Variants in SEMA3D observed in about 807,000 individuals in gnomAD.
The protein encoded by SEMA3D is semaphorin 3D, also known as semaphorin-3D.
Under a neutral mutation model 100.1 loss-of-function variants are expected in SEMA3D, and 84 were observed. That is an observed-to-expected ratio of 0.84 (90% CI 0.70 to 1.01). SEMA3D has a LOEUF of 1.01. SEMA3D is among the 50% of genes least tolerant of loss of function. The probability of loss-of-function intolerance (pLI) is 0.00; values close to 1 mark genes in which losing one functional copy is unlikely to be tolerated. For missense variants in SEMA3D, 875 were observed against 934.1 expected, an observed-to-expected ratio of 0.94 and a Z score of 0.82; for synonymous variants, 312 against 320.7, an observed-to-expected ratio of 0.97 and a Z score of 0.29.
chr7:85,129,072 G>A (rs1160542973), intron 2 of SEMA3D, among the ~76,000 whole-genome samples: 1 of 151,318 alleles, frequency 6.6e-6, no homozygotes, highest in Non-Finnish European at 1.5e-5. Context: ...TTTTTGTAGA[G>A]ATAGGGTCTC....
intron 1 of SEMA3D, among the ~76,000 whole-genome samples, chr7:85,163,653 T>G (rs1002596121): frequency 5.3e-5 from 8 of 152,088 alleles, no homozygotes; most frequent in African/African-American, 1.7e-4. Flanking sequence ...ATGAAAAATG[T>G]AAATTCATGG....
At chr7:85,085,130 C>A (rs1273904258) in intron 4 of SEMA3D, among the ~76,000 whole-genome samples, 1 of 151,930 alleles carries the variant, frequency 6.6e-6, no homozygotes, top group African/African-American at 2.4e-5. Context: ...AGATCCTGTT[C>A]TTTTTTTGTT....
In SEMA3D at chr7:85,018,233, T is replaced by G. The variant is rs189348335; in HGVS notation, c.1545+19A>C. On this transcript the variant is annotated intron_variant, in intron 15 of 18. Transcript: ENST00000284136. Reference sequence around the variant, plus strand: ...CCATTGCTTTTGTGATTAACTTTCATACAAAAGTTAAAAAGTACCTGCTTC... The same window carrying G: ...CCATTGCTTTTGTGATTAACTTTCAGACAAAAGTTAAAAAGTACCTGCTTC... 1.3e-6 allele frequency: 2 copies of G among 1,535,330 alleles called. No individual in the cohort carries two copies. The highest frequency in any genetic ancestry group is 2.2e-5 in the South Asian group (2 of 89,116).
chr7:85,218,608 A>G, the SEMA3D span, among the ~76,000 whole-genome samples: 6 of 152,114 alleles, frequency 3.9e-5, no homozygotes, highest in South Asian at 4.1e-4. Flanking sequence ...TTGTGTTTGC[A>G]TTATGTAGTA....
In SEMA3D at chr7:85,103,533, C is replaced by T. The variant is rs536441749; in HGVS notation, c.152-5568G>A. 5.3e-5 allele frequency among the ~76,000 whole-genome samples: 8 copies of T among 152,014 alleles called. No homozygotes were observed. The South Asian group carries it at 6.2e-4, about 12-fold the overall frequency. On this transcript the variant is annotated intron_variant, in intron 3 of 18. Transcript: ENST00000284136. ...CCAGCTCTGTGCTTGGTTAAACAGC[C>T]CCACCCTTCCTCGGGATGTCAGCAG...
chr7:85,094,010 G>A (rs1318556770), intron 4 of SEMA3D, among the ~76,000 whole-genome samples: 1 of 152,016 alleles, frequency 6.6e-6, no homozygotes, highest in Non-Finnish European at 1.5e-5. Context: ...TTTCAAGAAT[G>A]AAGAGCAGTG....
intron 8 of SEMA3D, among the ~76,000 whole-genome samples, chr7:85,058,612 G>A (rs1005273727): frequency 1.3e-5 from 2 of 151,552 alleles, no homozygotes; most frequent in Non-Finnish European, 2.9e-5. Flanking sequence ...GCTGGGCGTG[G>A]TGGCGGGCGC....
chr7:85,096,684 T>C (rs1478168775), intron 4 of SEMA3D, among the ~76,000 whole-genome samples: 2 of 151,944 alleles, frequency 1.3e-5, no homozygotes, highest in Non-Finnish European at 2.9e-5. Context: ...ATCATTGTTC[T>C]ATTTCAGAAG....
rs767627658 is a variant in SEMA3D, at chr7:85,040,724, G to C, written c.995C>G (p.Pro332Arg). Residue 332 changes from proline to arginine, a missense_variant, in exon 11 of 19, where the codon CCC (proline) becomes CGC (arginine). By Grantham distance (103) the Pro-to-Arg change is moderately radical. Coordinates refer to ENST00000284136, the MANE Select transcript of SEMA3D (RefSeq NM_001384900.1). ...FDELQDIYLL[P>R]TRDERNPVVY... ...TACAGGATTTCTTTCATCTCTTGTG[G>C]GGAGTAAATAAATATCTTCTATTAA... 4 of 1,426,578 alleles carry C rather than the reference G, an allele frequency of 2.8e-6. No homozygotes were observed. The highest frequency in any genetic ancestry group is 1.7e-5 in the Admixed American group (1 of 58,832). The allele number at this position is 1,426,578 out of a possible 1,614,324, so 88.4% of individuals were successfully genotyped here.
chr7:85,202,356 A>G, the SEMA3D span, among the ~76,000 whole-genome samples: 1 of 151,508 alleles, frequency 6.6e-6, no homozygotes, highest in East Asian at 1.9e-4. Context: ...ATGATTTCCA[A>G]TTTCATCCAT....
the SEMA3D span, among the ~76,000 whole-genome samples, chr7:85,222,373 T>TG: frequency 6.6e-6 from 1 of 152,120 alleles, no homozygotes; most frequent in Non-Finnish European, 1.5e-5. Flanking sequence ...TGGCAATGAA[T>TG]ATAAGCATAA....
intron 1 of SEMA3D, among the ~76,000 whole-genome samples, chr7:85,164,694 A>C (rs1435494847): frequency 6.6e-6 from 1 of 152,144 alleles, no homozygotes; most frequent in Non-Finnish European, 1.5e-5. Flanking sequence ...CTTTTGTGGC[A>C]CACAAATTTT....
chr7:85,069,249 G>A lies in SEMA3D; in HGVS notation c.496-965C>T, dbSNP rs4728569. ...CAAGCAATAAAGCAAAAGGGACAGA[G>A]AAAATTATGTGTTATGTTGCACTTC... On this transcript the variant is annotated intron_variant, in intron 6 of 18. Coordinates refer to ENST00000284136, the MANE Select transcript of SEMA3D (RefSeq NM_001384900.1). Among the ~76,000 whole-genome samples, 153 of 152,204 alleles carry A rather than the reference G, an allele frequency of 1.0e-3. 3 individuals are homozygous for A. Among genetic ancestry groups the A allele is most frequent in the Admixed American group, 8.4e-3 (128 of 15,284 alleles).
rs1791424705 is a variant in SEMA3D at position 85,182,047 on chromosome 7, C to A, written c.-173+4631G>T. Among the ~76,000 whole-genome samples the A allele has an allele frequency of 2.0e-5, 3 of 152,198 alleles. No individual in the cohort carries two copies. The South Asian group carries it at 6.2e-4, about 32-fold the overall frequency. On this transcript the variant is annotated intron_variant, in intron 1 of 18. Coordinates refer to ENST00000284136, the MANE Select transcript of SEMA3D (RefSeq NM_001384900.1). Reference sequence around the variant, plus strand: ...TCTCAAAAGTGTTGCAATTGTTTATCAGCGTATTTCTTGGTTATGGTGAAT... The same window carrying A: ...TCTCAAAAGTGTTGCAATTGTTTATAAGCGTATTTCTTGGTTATGGTGAAT...
intron 3 of SEMA3D, 90 bp from the exon 4 acceptor site, chr7:85,098,055 G>A: frequency 1.1e-4 from 74 of 660,772 alleles, no homozygotes; most frequent in Admixed American, 3.5e-4. Flanking sequence ...GAAAAAGAAA[G>A]GAAAGAGAGA....
chr7:85,160,681 T>C (rs1280812101), intron 1 of SEMA3D, among the ~76,000 whole-genome samples: 1 of 152,024 alleles, frequency 6.6e-6, no homozygotes, highest in East Asian at 1.9e-4. Context: ...CTTCTCATTA[T>C]CCAAAAGGTG....
At chr7:85,136,000 C>T (rs749749793) in intron 2 of SEMA3D, among the ~76,000 whole-genome samples, 41 of 152,024 alleles carry the variant, frequency 2.7e-4, no homozygotes, top group Admixed American at 5.3e-4. Context: ...ACAGCACAGA[C>T]CTTTTCCTAA....
At chr7:85,003,707 C>G (rs982297703) in intron 18 of SEMA3D, among the ~76,000 whole-genome samples, 1 of 151,822 alleles carries the variant, frequency 6.6e-6, no homozygotes, top group African/African-American at 2.4e-5. Flanking sequence ...CAATGACAGA[C>G]AAGACAATTC....
At chr7:85,088,938 C>T (rs1484242849) in intron 4 of SEMA3D, among the ~76,000 whole-genome samples, 1 of 152,144 alleles carries the variant, frequency 6.6e-6, no homozygotes, top group Non-Finnish European at 1.5e-5. Flanking sequence ...TTTTAGCTTT[C>T]TTCCACGAAT....
Sources: gnomAD v4.1 joint callset for allele counts (sites outside exome capture counted in the v4.1 genomes callset) on GRCh38, gnomAD v4.1.1 for gene constraint, MANE v1.5 for transcripts, NCBI Gene and HGNC (gene_info 2026-07-23, HGNC 2026-07-21) for gene names.